Variants in PI4KA observed in about 807,000 individuals in gnomAD.
PI4KA encodes the protein phosphatidylinositol 4-kinase alpha, also known as PI4-kinase alpha.
A neutral mutation model predicts 271.4 loss-of-function variants in PI4KA; 122 were observed. The ratio of observed to expected loss-of-function variants is 0.45; its 90% CI spans 0.39 to 0.52. The LOEUF (loss-of-function observed/expected upper bound fraction) is 0.52, where lower values mean the gene tolerates loss of function less well. PI4KA is among the 20% of genes least tolerant of loss of function. The probability of loss-of-function intolerance (pLI) is 0.00; values close to 1 mark genes in which losing one functional copy is unlikely to be tolerated. For missense variants in PI4KA, 1,969 were observed against 2,769.1 expected (o/e 0.71, Z 6.48); for synonymous variants, 1,041 against 1,078.8 (o/e 0.96, Z 0.69).
intron 27 of PI4KA, 119 bp from the exon 28 acceptor site, chr22:20,750,113 C>G: frequency 1.5e-6 from 1 of 681,460 alleles, no homozygotes; most frequent in East Asian, 2.6e-5. Flanking sequence ...TTAACTGGTA[C>G]CAGTACCTCA....
intron 1 of PI4KA, among the ~76,000 whole-genome samples, chr22:20,846,835 C>CAAAAAA (rs361933): frequency 1.6e-5 from 1 of 61,724 alleles, no homozygotes; most frequent in African/African-American, 7.3e-5. Context: ...AGTGCAGGCT[C>CAAAAAA]AAAAAAAAAA....
intron 23 of PI4KA, among the ~76,000 whole-genome samples, chr22:20,757,507 G>C (rs1931438203): frequency 1.3e-5 from 2 of 151,900 alleles, no homozygotes; most frequent in African/African-American, 4.8e-5. Context: ...TTCGGTTTAT[G>C]AATATTCTCT....
intron 1 of PI4KA, among the ~76,000 whole-genome samples, chr22:20,843,184 A>G (rs558267989): frequency 1.3e-5 from 2 of 152,102 alleles, no homozygotes; most frequent in African/African-American, 4.8e-5. Context: ...AAAAATATTG[A>G]TAACTTTAGA....
chr22:20,772,210 C>A (rs770220892), intron 19 of PI4KA, among the ~76,000 whole-genome samples: 2 of 152,214 alleles, frequency 1.3e-5, no homozygotes, highest in Non-Finnish European at 2.9e-5. Flanking sequence ...AGCTGGAGGC[C>A]AAGGGGCAAT....
chr22:20,752,397 T>C (rs1050619206), intron 25 of PI4KA, among the ~76,000 whole-genome samples: 2 of 152,222 alleles, frequency 1.3e-5, no homozygotes, highest in Non-Finnish European at 2.9e-5. Flanking sequence ...TGTGGGTGTT[T>C]TGCTGCCTCT....
chr22:20,708,392 G>A (rs1210143049), intron 54 of PI4KA, among the ~76,000 whole-genome samples: 5 of 151,600 alleles, frequency 3.3e-5, no homozygotes, highest in African/African-American at 1.2e-4. Flanking sequence ...CCTCCAAGGG[G>A]TCTGTACGCT....
intron 23 of PI4KA, among the ~76,000 whole-genome samples, chr22:20,756,797 A>G (rs2147353307): frequency 6.6e-6 from 1 of 151,912 alleles, no homozygotes; most frequent in African/African-American, 2.4e-5. Context: ...CACCCAGCTA[A>G]TTTTTGTATT....
chr22:20,788,760 C>T (rs1325437673), intron 19 of PI4KA, among the ~76,000 whole-genome samples: 1 of 152,152 alleles, frequency 6.6e-6, no homozygotes, highest in Non-Finnish European at 1.5e-5. Context: ...CTGTCATTCT[C>T]CAAACTGCTT....
chr22:20,785,166 C>T (rs1445842836), intron 19 of PI4KA, among the ~76,000 whole-genome samples: 1 of 150,406 alleles, frequency 6.6e-6, no homozygotes, highest in East Asian at 2.0e-4. Context: ...ACCTCCTGAA[C>T]TTAAGTGATC....
At chr22:20,717,268 T>A (rs946691873) in intron 45 of PI4KA, among the ~76,000 whole-genome samples, 1 of 152,222 alleles carries the variant, frequency 6.6e-6, no homozygotes, top group Non-Finnish European at 1.5e-5. Flanking sequence ...AATTCCCATG[T>A]GGCCACAGCC....
chr22:20,832,111 A>G (rs543110221), intron 3 of PI4KA, among the ~76,000 whole-genome samples: 1 of 150,296 alleles, frequency 6.7e-6, no homozygotes, highest in South Asian at 2.1e-4. Flanking sequence ...GTTTATTTTG[A>G]AATTCTTTTT....
chr22:20,726,378 CCCCTGAGGAGGCTCTGAGGAG>C (rs1927348702), intron 42 of PI4KA, 89 bp downstream of exon 42: 2 of 909,634 alleles, frequency 2.2e-6, no homozygotes, highest in African/African-American at 3.6e-5. Context: ...GGCAGCCCTG[CCCCTGAGGAGGCTCTGAGGAG>C]CCTGTGAGGG....
chr22:20,751,762 C>G lies in PI4KA; in HGVS notation c.2988-7G>C, dbSNP rs554468043. ...CCAGAGCAAGTGGGGAAACCTGCAC[C>G]AAGAGCCAGCTCTCAGGACCAAGAG... On this transcript the variant is annotated splice_polypyrimidine_tract_variant and splice_region_variant and intron_variant, in intron 25 of 54. Transcript: ENST00000255882. The G allele has an allele frequency of 7.4e-6, 12 of 1,613,358 alleles. No homozygotes were observed. In the South Asian group the frequency reaches 1.3e-4, roughly 18 times the overall value.
intron 30 of PI4KA, chr22:20,742,967 C>T: frequency 1.8e-6 from 1 of 570,822 alleles, no homozygotes. Context: ...AACAGCTCCT[C>T]TAGAAATGCA....
intron 29 of PI4KA, 142 bp downstream of exon 29, chr22:20,747,441 C>A: frequency 1.3e-6 from 1 of 781,856 alleles, no homozygotes; most frequent in Non-Finnish European, 2.0e-6. Flanking sequence ...GCTTGCACCA[C>A]TACCATTGTC....
At position 20,733,023 on chromosome 22, in the gene PI4KA, G is replaced by C. The variant is rs145132126; in HGVS notation, c.4236C>G (p.Thr1412=). 1.2e-6 allele frequency: 2 copies of C among 1,610,798 alleles called. No individual in the cohort carries two copies. Among genetic ancestry groups the C allele is most frequent in the Non-Finnish European group, 8.5e-7 (1 of 1,178,826 alleles). The change falls in exon 36 of 55, where the codon ACC becomes ACG. Residue 1412 remains threonine (T), a synonymous_variant. Transcript: ENST00000255882. The part of the protein sequence containing the change: ...EDISIMIKFW[T]AMFSDKKYLT... ...GGTACTTCTTATCTGAGAACATGGC[G>C]GTCCAAAATTTAATCATGATGCTTA...
chr22:20,841,313 G>A (rs910157720), intron 1 of PI4KA, among the ~76,000 whole-genome samples: 3 of 152,164 alleles, frequency 2.0e-5, no homozygotes, highest in African/African-American at 7.2e-5. Flanking sequence ...TACTGCCAGT[G>A]CAGCGGTCAC....
intron 23 of PI4KA, among the ~76,000 whole-genome samples, chr22:20,759,025 TCTC>T (rs757228137): frequency 6.6e-6 from 1 of 152,130 alleles, no homozygotes; most frequent in Admixed American, 6.5e-5. Context: ...TGAAGCAGTA[TCTC>T]AGAGCCCCTG....
intron 1 of PI4KA, among the ~76,000 whole-genome samples, chr22:20,840,992 G>A (rs888282308): frequency 6.6e-6 from 1 of 152,164 alleles, no homozygotes; most frequent in Non-Finnish European, 1.5e-5. Flanking sequence ...AAGTCACAGG[G>A]TGAGACAGGA....
Sources: gnomAD v4.1 joint callset for allele counts (sites outside exome capture counted in the v4.1 genomes callset) on GRCh38, gnomAD v4.1.1 for gene constraint, MANE v1.5 for transcripts, NCBI Gene and HGNC (gene_info 2026-07-23, HGNC 2026-07-21) for gene names.